FGF12: variants seen among roughly 807,000 people sequenced by gnomAD.
The protein encoded by FGF12 is fibroblast growth factor 12.
In FGF12, 14 loss-of-function variants were observed where a neutral mutation model predicts 23.6. That is an observed-to-expected ratio of 0.59 (90% CI 0.39 to 0.93). The LOEUF (loss-of-function observed/expected upper bound fraction) is 0.93. FGF12 is among the 40% of genes least tolerant of loss of function. The pLI, the probability that FGF12 is intolerant of heterozygous loss-of-function variation, is 0.00. For synonymous variants in FGF12, 62 were observed against 77.3 expected (o/e 0.80, Z 1.04); for missense variants, 175 against 217.8 (o/e 0.80, Z 1.24).
intron 2 of FGF12, among the ~76,000 whole-genome samples, chr3:192,590,988 A>G (rs1713598105): frequency 6.6e-6 from 1 of 151,260 alleles, no homozygotes; most frequent in African/African-American, 2.4e-5. Flanking sequence ...CTTTCTAACA[A>G]AACACCAAAC....
rs917679243 is a variant in FGF12 at position 192,360,241 on chromosome 3, C to T, written c.124+187G>A. On this transcript the variant is annotated intron_variant, in intron 3 of 5. Transcript: ENST00000445105. This position sits in a 1 kb window ranked among gnomAD's most constrained non-coding sequence, Gnocchi z 4.3. Reference sequence around the variant, plus strand: ...ACCTTCTCTTAAGTGCATAACCTCTCTCCTATACTGTCTTTGCTGTAGGAA... The same window carrying T: ...ACCTTCTCTTAAGTGCATAACCTCTTTCCTATACTGTCTTTGCTGTAGGAA... Among the ~76,000 whole-genome samples the T allele has an allele frequency of 2.6e-5, 4 of 152,152 alleles. No individual in the cohort carries two copies. Among genetic ancestry groups the T allele is most frequent in the Non-Finnish European group, 5.9e-5 (4 of 68,036 alleles).
chr3:192,498,027 C>A lies in FGF12; in HGVS notation c.14-137489G>T, dbSNP rs888979541. 4.6e-5 allele frequency among the ~76,000 whole-genome samples: 7 copies of A among 152,132 alleles called. No individual in the cohort carries two copies. The East Asian group carries it at 5.8e-4, about 13-fold the overall frequency. On this transcript the variant is annotated intron_variant, in intron 2 of 5. Coordinates refer to ENST00000445105, the MANE Select transcript of FGF12 (RefSeq NM_004113.6). ...AAAGAGCAAATTCATCAGCCTGAAG[C>A]ACATGTTCTTTCTTGGCCCCATGAC...
At chr3:192,604,048 A>C (rs2108633928) in intron 2 of FGF12, among the ~76,000 whole-genome samples, 1 of 152,250 alleles carries the variant, frequency 6.6e-6, no homozygotes, top group African/African-American at 2.4e-5. Context: ...TAATATCAAT[A>C]GTCTTTGTGA....
intron 2 of FGF12, among the ~76,000 whole-genome samples, chr3:192,450,663 G>A (rs555610797): frequency 6.6e-6 from 1 of 152,246 alleles, no homozygotes; most frequent in South Asian, 2.1e-4. Flanking sequence ...AAGAGAAGTT[G>A]GCACCTAATA....
At chr3:192,150,670 T>C (rs1714000201) in intron 5 of FGF12, among the ~76,000 whole-genome samples, 1 of 150,324 alleles carries the variant, frequency 6.7e-6, no homozygotes, top group East Asian at 1.9e-4. Flanking sequence ...GTTCCATTGA[T>C]CTATATCTCT....
chr3:192,458,402 G>C (rs1576994372), intron 2 of FGF12, among the ~76,000 whole-genome samples: 1 of 152,144 alleles, frequency 6.6e-6, no homozygotes, highest in African/African-American at 2.4e-5. Context: ...AAAGTCACAG[G>C]GGCAGAGCTG....
chr3:192,346,812 A>C (rs1398951343), intron 3 of FGF12, among the ~76,000 whole-genome samples: 2 of 152,188 alleles, frequency 1.3e-5, no homozygotes, highest in Non-Finnish European at 2.9e-5. Context: ...GGGGTACTTC[A>C]GCCATTGATT....
intron 2 of FGF12, among the ~76,000 whole-genome samples, chr3:192,518,475 G>T (rs1724734567): frequency 6.6e-6 from 1 of 152,090 alleles, no homozygotes; most frequent in Non-Finnish European, 1.5e-5. Flanking sequence ...CTAAACATAG[G>T]CATCTGTTCA....
At chr3:192,505,743 G>A (rs1055161202) in intron 2 of FGF12, among the ~76,000 whole-genome samples, 1 of 152,128 alleles carries the variant, frequency 6.6e-6, no homozygotes, top group Non-Finnish European at 1.5e-5. Flanking sequence ...TTCCCTAAAG[G>A]TAACTGCGGT....
Position 192,141,127 on chromosome 3 carries a change from C to CAAAAAAAAAAAAAAAAAAAAAAA in FGF12, c.*2881_*2882insTTTTTTTTTTTTTTTTTTTTTTT, listed in dbSNP as rs1396299359. The CAAAAAAAAAAAAAAAAAAAAAAA allele has an allele frequency of 6.4e-3, 139 of 21,818 alleles. 20 individuals are homozygous for CAAAAAAAAAAAAAAAAAAAAAAA. Among genetic ancestry groups the CAAAAAAAAAAAAAAAAAAAAAAA allele is most frequent in the Non-Finnish European group, 7.9e-3 (103 of 13,036 alleles). The allele number at this position is 21,818 out of a possible 1,614,324, so 1.4% of individuals were successfully genotyped here. A position where few individuals can be genotyped will look rare whatever the true frequency, so the allele number is the denominator to read the frequency against. On this transcript the variant is annotated 3_prime_UTR_variant, in exon 6 of 6. Transcript: ENST00000445105. ...TCCTGGGAAAAATCCCAATGCAACT[C>CAAAAAAAAAAAAAAAAAAAAAAA]CAAAAAAAAAAAAAAAAAAAAAAAA...
At chr3:192,533,678 A>G (rs2108852411) in intron 2 of FGF12, among the ~76,000 whole-genome samples, 1 of 152,268 alleles carries the variant, frequency 6.6e-6, no homozygotes, top group Non-Finnish European at 1.5e-5. Context: ...TCCTTAGCCA[A>G]AACTGTCCTC....
intron 2 of FGF12, among the ~76,000 whole-genome samples, chr3:192,559,776 C>T (rs1279384352): frequency 6.6e-6 from 1 of 151,910 alleles, no homozygotes; most frequent in East Asian, 1.9e-4. Context: ...TAGAGACACT[C>T]TCTGTACTTT....
At chr3:192,209,419 C>A (rs1420590756) in intron 4 of FGF12, among the ~76,000 whole-genome samples, 1 of 152,104 alleles carries the variant, frequency 6.6e-6, no homozygotes, top group East Asian at 1.9e-4. Context: ...CATTCAGATC[C>A]CTTTTTATAA....
chr3:192,480,938 G>A (rs974402078), intron 2 of FGF12, among the ~76,000 whole-genome samples: 8 of 152,094 alleles, frequency 5.3e-5, no homozygotes, highest in Non-Finnish European at 7.4e-5. Flanking sequence ...TCCATGATCC[G>A]TTTAAAATTA....
At chr3:192,481,051 A>T (rs968023184) in intron 2 of FGF12, among the ~76,000 whole-genome samples, 13 of 152,198 alleles carry the variant, frequency 8.5e-5, no homozygotes, top group African/African-American at 3.1e-4. Context: ...TTTCTAAAAA[A>T]ACATGCTGAA....
chr3:192,140,543 A>G lies in FGF12; in HGVS notation c.*3466T>C, dbSNP rs1392840770. On this transcript the variant is annotated 3_prime_UTR_variant, in exon 6 of 6. Transcript: ENST00000445105. ...CCAAATTAGGAATTCCAAACTTTTC[A>G]ATATGCAACCTTTAAGTCTTTCCTT... 6.6e-6 allele frequency: 1 copy of G among 151,988 alleles called. No homozygotes were observed. The highest frequency in any genetic ancestry group is 1.9e-4 in the East Asian group (1 of 5,190). 9.4% of individuals were successfully genotyped at this position (151,988 alleles called of 1,614,324 possible).
At chr3:192,599,664 G>C (rs751383172) in intron 2 of FGF12, among the ~76,000 whole-genome samples, 1 of 152,022 alleles carries the variant, frequency 6.6e-6, no homozygotes, top group African/African-American at 2.4e-5. Context: ...AATATTTATT[G>C]AGGACTTTTC....
chr3:192,225,491 A>G (rs1357827180), intron 4 of FGF12, among the ~76,000 whole-genome samples: 1 of 152,176 alleles, frequency 6.6e-6, no homozygotes, highest in African/African-American at 2.4e-5. Context: ...AAAAACACTG[A>G]AATCATCATA....
At chr3:192,146,787 A>G (rs1713749298) in intron 5 of FGF12, among the ~76,000 whole-genome samples, 1 of 152,178 alleles carries the variant, frequency 6.6e-6, no homozygotes, top group Non-Finnish European at 1.5e-5. Context: ...TTTTCCAGTA[A>G]TTTAACCCTG....
Sources: allele counts gnomAD v4.1 joint callset (sites outside exome capture counted in the v4.1 genomes callset), GRCh38; gene constraint gnomAD v4.1.1; non-coding constraint Gnocchi (gnomAD v3.1); transcripts MANE v1.5; gene names NCBI Gene and HGNC (gene_info 2026-07-23, HGNC 2026-07-21).